HIVEP1: variants seen among roughly 807,000 people sequenced by gnomAD.
HIVEP1 encodes HIVEP zinc finger 1.
In HIVEP1, 36 loss-of-function variants were observed where a neutral mutation model predicts 180.0. That is an observed-to-expected ratio of 0.20 (90% CI 0.15 to 0.26). The LOEUF (loss-of-function observed/expected upper bound fraction) is 0.26, where lower values mean the gene tolerates loss of function less well. Ranked by LOEUF, HIVEP1 falls within the 10% of genes least tolerant of loss-of-function variation. The probability of loss-of-function intolerance (pLI) is 1.00; values close to 1 mark genes in which losing one functional copy is unlikely to be tolerated. For synonymous variants in HIVEP1, 1,239 were observed against 1,239.0 expected (o/e 1.00, Z 0.00); for missense variants, 3,143 against 3,268.7 (o/e 0.96, Z 0.94).
intron 2 of HIVEP1, among the ~76,000 whole-genome samples, chr6:12,018,279 C>G (rs1010225243): frequency 6.6e-6 from 1 of 152,230 alleles, no homozygotes; most frequent in South Asian, 2.1e-4. Flanking sequence ...CTCCACACCT[C>G]CCTGCAAGCT....
At chr6:12,033,196 A>T (rs1048945229) in intron 2 of HIVEP1, among the ~76,000 whole-genome samples, 2 of 152,260 alleles carry the variant, frequency 1.3e-5, no homozygotes, top group Admixed American at 6.5e-5. Context: ...TGTGCTAAGC[A>T]CATTGAAGGT....
intron 2 of HIVEP1, among the ~76,000 whole-genome samples, chr6:12,057,230 C>G (rs756379758): frequency 6.6e-6 from 1 of 152,042 alleles, no homozygotes; most frequent in African/African-American, 2.4e-5. Flanking sequence ...AATATAGATG[C>G]TATTGTGACT....
intron 7 of HIVEP1, among the ~76,000 whole-genome samples, chr6:12,150,194 T>C (rs1481501542): frequency 2.0e-5 from 3 of 152,224 alleles, no homozygotes; most frequent in Non-Finnish European, 4.4e-5. Context: ...AAACATGATA[T>C]AGCCTCGGGA....
At chr6:12,167,898 A>G (rs1320489543), downstream of HIVEP1, among the ~76,000 whole-genome samples, 2 of 142,486 alleles carry the variant, frequency 1.4e-5, no homozygotes, top group African/African-American at 5.2e-5. Flanking sequence ...ATGTGCGTAT[A>G]TAATATATAC....
chr6:12,023,048 T>C (rs889835029), intron 2 of HIVEP1, among the ~76,000 whole-genome samples: 1 of 152,216 alleles, frequency 6.6e-6, no homozygotes, highest in African/African-American at 2.4e-5. Context: ...TTGAACTCTT[T>C]TAAAAAATGT....
intron 2 of HIVEP1, chr6:12,038,028 C>G: frequency 5.7e-6 from 2 of 348,958 alleles, no homozygotes; most frequent in Non-Finnish European, 1.0e-5. Flanking sequence ...GGTTTTTCTT[C>G]TTCTTATTTT....
chr6:12,028,815 A>G (rs544375354), intron 2 of HIVEP1, among the ~76,000 whole-genome samples: 81 of 152,310 alleles, frequency 5.3e-4, no homozygotes, highest in Admixed American at 9.2e-4. Flanking sequence ...CCAGTTTTAG[A>G]ACATGTCTGT....
At chr6:12,093,865 G>C (rs941055914) in intron 3 of HIVEP1, among the ~76,000 whole-genome samples, 10 of 151,916 alleles carry the variant, frequency 6.6e-5, no homozygotes, top group Non-Finnish European at 1.5e-4. Context: ...TTGCCTTCAG[G>C]AATGTTTTCA....
chr6:12,043,657 G>A (rs1415436164), intron 2 of HIVEP1, among the ~76,000 whole-genome samples: 3 of 152,100 alleles, frequency 2.0e-5, no homozygotes, highest in East Asian at 1.9e-4. Context: ...GTGAGGCACC[G>A]TGCCCAGCCG....
intron 7 of HIVEP1, among the ~76,000 whole-genome samples, chr6:12,143,814 G>T (rs1215907047): frequency 6.6e-6 from 1 of 152,108 alleles, no homozygotes; most frequent in Non-Finnish European, 1.5e-5. Flanking sequence ...AAATATCTAA[G>T]AATCCAACTT....
intron 2 of HIVEP1, among the ~76,000 whole-genome samples, chr6:12,041,420 TAAAA>T (rs34364704): frequency 2.5e-4 from 13 of 52,276 alleles, no homozygotes; most frequent in African/African-American, 1.1e-3. Context: ...AGACTCCGTC[TAAAA>T]AAAAAAAAAA....
chr6:12,023,174 G>A (rs1298787678), intron 2 of HIVEP1, among the ~76,000 whole-genome samples: 1 of 152,190 alleles, frequency 6.6e-6, no homozygotes, highest in Non-Finnish European at 1.5e-5. Flanking sequence ...CCCAGCCGGG[G>A]TTTCAGAATT....
At chr6:12,102,846 C>A (rs1774192462) in intron 3 of HIVEP1, among the ~76,000 whole-genome samples, 1 of 152,042 alleles carries the variant, frequency 6.6e-6, no homozygotes. Flanking sequence ...ACACTTGTGA[C>A]CCAGTGTTGT....
chr6:12,096,032 G>A (rs78648406), intron 3 of HIVEP1, among the ~76,000 whole-genome samples: 2,559 of 151,986 alleles, frequency 0.017, 70 homozygotes, highest in African/African-American at 0.059. Context: ...CTTTAGGTCA[G>A]CTTGCATTAT....
At chr6:12,098,197 A>T (rs1468683933) in intron 3 of HIVEP1, among the ~76,000 whole-genome samples, 1 of 152,218 alleles carries the variant, frequency 6.6e-6, no homozygotes, top group African/African-American at 2.4e-5. Flanking sequence ...AATGTTTTTT[A>T]AAATTTGTCT....
chr6:12,098,551 T>A (rs116772895), intron 3 of HIVEP1, among the ~76,000 whole-genome samples: 1,607 of 152,370 alleles, frequency 0.011, 30 homozygotes, highest in African/African-American at 0.036. Context: ...TTTGCTACTG[T>A]ATTCTCTGTA....
intron 3 of HIVEP1, among the ~76,000 whole-genome samples, chr6:12,116,513 A>C (rs1161916363): frequency 2.6e-5 from 4 of 151,696 alleles, no homozygotes; most frequent in Non-Finnish European, 5.9e-5. Context: ...TGCATCTCTC[A>C]CATCCCCTCC....
chr6:12,144,390 TAAAGACTTAAATG>T (rs1759236344), intron 7 of HIVEP1, among the ~76,000 whole-genome samples: 1 of 152,210 alleles, frequency 6.6e-6, no homozygotes, highest in Non-Finnish European at 1.5e-5. Flanking sequence ...CAAGATGGGT[TAAAGACTTAAATG>T]TTAGACCTAA....
Position 12,121,738 on chromosome 6 carries a change from G to C in HIVEP1, c.1943G>C (p.Arg648Thr). The C allele has an allele frequency of 1.2e-6, 2 of 1,614,166 alleles. No individual in the cohort carries two copies. Among genetic ancestry groups the C allele is most frequent in the Non-Finnish European group, 1.7e-6 (2 of 1,180,038 alleles). Residue 648 changes from arginine (R) to threonine (T), a missense_variant, in exon 4 of 9, where the codon AGG becomes ACG. Around this residue, in one of 12 missense-constraint regions of HIVEP1, gnomAD observed 365 missense variants for 344.4 expected, o/e 1.06. Coordinates refer to ENST00000379388, the MANE Select transcript of HIVEP1 (RefSeq NM_002114.4). This position sits in a 1 kb window ranked among gnomAD's most constrained non-coding sequence, Gnocchi z 5.3. ...HVGTVHAQLQ[R>T]QQATDYSQEQ... Reference sequence around the variant, plus strand: ...GGAACGGTACACGCCCAGCTACAAAGGCAGCAGGCTACCGATTACTCCCAA... The same window carrying C: ...GGAACGGTACACGCCCAGCTACAAACGCAGCAGGCTACCGATTACTCCCAA...
Sources: gnomAD v4.1 joint callset for allele counts (sites outside exome capture counted in the v4.1 genomes callset) on GRCh38, gnomAD v4.1.1 for gene constraint, gnomAD v4.1.1 regional missense constraint, Gnocchi (gnomAD v3.1) non-coding constraint, MANE v1.5 for transcripts, NCBI Gene and HGNC (gene_info 2026-07-23, HGNC 2026-07-21) for gene names.